Variants in TRPV1 observed in about 807,000 individuals in gnomAD.
The protein encoded by TRPV1 is OTRPC1.
In TRPV1, 82 loss-of-function variants were observed where a neutral mutation model predicts 82.3. The ratio of observed to expected loss-of-function variants is 1.00; its 90% CI spans 0.83 to 1.20. The LOEUF is 1.20. TRPV1 is among the 50% of genes most tolerant of loss of function. TRPV1 has a pLI of 0.00. For synonymous variants in TRPV1, 515 were observed against 467.7 expected (o/e 1.10, Z -1.30); for missense variants, 1,067 against 1,096.8 (o/e 0.97, Z 0.38).
chr17:3,590,396 C>T lies in TRPV1; in HGVS notation c.605-4G>A, dbSNP rs776877495. The T allele has an allele frequency of 1.2e-6, 2 of 1,613,300 alleles. No individual in the cohort carries two copies. The highest frequency in any genetic ancestry group is 1.7e-6 in the Non-Finnish European group (2 of 1,179,710). The stretch of plus-strand genomic sequence containing the variant: ...GCGATGTGCAGTGCTGTCTGGCCTA[C>T]AGAGGACGCGCACGGTTGGCTTCGT... On this transcript the variant is annotated splice_polypyrimidine_tract_variant and splice_region_variant and intron_variant, in intron 5 of 16. Transcript: ENST00000572705.
In TRPV1 at chr17:3,592,268, T is replaced by A; in HGVS notation, c.83A>T (p.Asp28Val). The change falls in exon 3 of 17, where the codon GAC becomes GTC. Residue 28 changes from aspartate to valine, a missense_variant. By Grantham distance (152) the Asp-to-Val change is radical. Coordinates refer to ENST00000572705, the MANE Select transcript of TRPV1 (RefSeq NM_080704.4). ...GGCTGGAGGTGGCCTGGAGTTAGGGTCTCCATCCAGGGGGTCTGGGCAGGT... is the reference window on the plus strand; with the variant it reads ...GGCTGGAGGTGGCCTGGAGTTAGGGACTCCATCCAGGGGGTCTGGGCAGGT... ...KDTCPDPLDGDPNSRPPPAKP... is the reference protein window; with the variant it reads ...KDTCPDPLDGVPNSRPPPAKP... 6.2e-7 allele frequency: 1 copy of A among 1,607,246 alleles called. No homozygotes were observed. Among genetic ancestry groups the A allele is most frequent in the Non-Finnish European group, 8.5e-7 (1 of 1,176,994 alleles).
intron 16 of TRPV1, among the ~76,000 whole-genome samples, chr17:3,571,061 C>T (rs2074845704): frequency 6.6e-6 from 1 of 152,228 alleles, no homozygotes; most frequent in Non-Finnish European, 1.5e-5. Flanking sequence ...CTTCTTCTCA[C>T]CCTCCCCTCT....
chr17:3,579,067 A>G (rs1235601673), intron 11 of TRPV1, among the ~76,000 whole-genome samples: 1 of 152,086 alleles, frequency 6.6e-6, no homozygotes, highest in Admixed American at 6.6e-5. Context: ...AAAACTACCT[A>G]TCAGGTACTA....
intron 11 of TRPV1, 47 bp downstream of exon 11, chr17:3,580,410 G>T (rs201373789): frequency 2.5e-6 from 4 of 1,602,002 alleles, no homozygotes; most frequent in Non-Finnish European, 3.4e-6. Context: ...AGAACTGATT[G>T]CGGTCACCTG....
At chr17:3,585,717 C>CT in intron 9 of TRPV1, 51 bp downstream of exon 9, 1 of 1,581,080 alleles carries the variant, frequency 6.3e-7, no homozygotes, top group Non-Finnish European at 8.6e-7. Context: ...GTCCACACCC[C>CT]TTCCCCACCA....
intron 7 of TRPV1, 93 bp downstream of exon 7, chr17:3,589,714 A>G (rs933854308): frequency 6.3e-6 from 9 of 1,428,242 alleles, no homozygotes; most frequent in Admixed American, 2.2e-5. Context: ...GCACACACAG[A>G]TAGCGACGCC....
intron 3 of TRPV1, among the ~76,000 whole-genome samples, chr17:3,591,636 G>A (rs890130721): frequency 3.3e-5 from 5 of 152,140 alleles, no homozygotes; most frequent in Non-Finnish European, 7.4e-5. Context: ...TCGGGAGCTC[G>A]GGAGGCAGGA....
At chr17:3,605,293 G>A (rs1341544756) in intron 2 of TRPV1, among the ~76,000 whole-genome samples, 1 of 152,134 alleles carries the variant, frequency 6.6e-6, no homozygotes, top group African/African-American at 2.4e-5. Flanking sequence ...TGGATCACTT[G>A]AGGCCAGAAG....
chr17:3,587,156 G>A (rs1379938135), intron 8 of TRPV1, among the ~76,000 whole-genome samples: 2 of 152,336 alleles, frequency 1.3e-5, no homozygotes, highest in African/African-American at 4.8e-5. Context: ...TGCAGTCCTT[G>A]TTGAGGCCAC....
intron 13 of TRPV1, among the ~76,000 whole-genome samples, chr17:3,576,668 A>AAAAAATATAT: frequency 7.8e-5 from 3 of 38,406 alleles, no homozygotes; most frequent in African/African-American, 2.2e-4. Flanking sequence ...AAAAAAAAAA[A>AAAAAATATAT]ATATATATAT....
At chr17:3,576,653 G>GGAAA (rs1242903015) in intron 13 of TRPV1, among the ~76,000 whole-genome samples, 3 of 41,490 alleles carry the variant, frequency 7.2e-5, no homozygotes, top group Non-Finnish European at 9.3e-5. Context: ...CTCTGTATGA[G>GGAAA]AAAAAAAAAA....
At chr17:3,572,294 G>A (rs2074865498) in intron 14 of TRPV1, 45 bp from the exon 15 acceptor site, 3 of 1,561,526 alleles carry the variant, frequency 1.9e-6, no homozygotes, top group Non-Finnish European at 2.6e-6. Context: ...GGCAGAGGGT[G>A]CATCCCGGGG....
At chr17:3,594,829 T>C (rs2075203824) in intron 2 of TRPV1, among the ~76,000 whole-genome samples, 2 of 152,014 alleles carry the variant, frequency 1.3e-5, no homozygotes, top group Non-Finnish European at 1.5e-5. Flanking sequence ...GAGGGGTCCA[T>C]GGCAGTTGGT....
At chr17:3,585,651 C>T in intron 9 of TRPV1, 117 bp downstream of exon 9, 3 of 1,286,990 alleles carry the variant, frequency 2.3e-6, no homozygotes, top group Non-Finnish European at 3.2e-6. Context: ...CTCCCGCAAG[C>T]TGGGAAGGAG....
chr17:3,586,669 G>T (rs1488725718), intron 8 of TRPV1, among the ~76,000 whole-genome samples: 3 of 152,046 alleles, frequency 2.0e-5, no homozygotes, highest in Non-Finnish European at 2.9e-5. Context: ...TACTTGGGAG[G>T]CTGAGGTGGG....
At chr17:3,582,528 T>C (rs2075034101) in intron 10 of TRPV1, among the ~76,000 whole-genome samples, 1 of 151,914 alleles carries the variant, frequency 6.6e-6, no homozygotes, top group African/African-American at 2.4e-5. Flanking sequence ...TCTTAGATTA[T>C]ATAAATATGG....
chr17:3,574,999 C>T (rs2074911008), intron 13 of TRPV1, among the ~76,000 whole-genome samples: 1 of 150,188 alleles, frequency 6.7e-6, no homozygotes. Context: ...TGACTAATCT[C>T]AGACAATTTG....
intron 3 of TRPV1, 101 bp from the exon 4 acceptor site, chr17:3,591,454 C>T (rs753326387): frequency 7.3e-7 from 1 of 1,367,378 alleles, no homozygotes; most frequent in Non-Finnish European, 9.8e-7. Context: ...CAAGGCAAAC[C>T]AAAAAGGGGA....
chr17:3,585,840 G>A lies in TRPV1; in HGVS notation c.1311C>T (p.Phe437=), dbSNP rs752936522. 1.2e-6 allele frequency: 2 copies of A among 1,613,986 alleles called. No homozygotes were observed. Among genetic ancestry groups the A allele is most frequent in the Admixed American group, 3.3e-5 (2 of 60,008 alleles). ...WDRFVKRIFY[F]NFLVYCLYMI... is the part of the protein sequence containing the mutation. ...TGTACAGGCAGTAGACCAGGAAGTTGAAGTAGAAGATGCGCTTGACGAATC... is the reference window on the plus strand; with the variant it reads ...TGTACAGGCAGTAGACCAGGAAGTTAAAGTAGAAGATGCGCTTGACGAATC... Residue 437 remains phenylalanine, a synonymous_variant, in exon 9 of 17, where the codon TTC becomes TTT. Transcript: ENST00000572705.
Sources: gnomAD v4.1 joint callset for allele counts (sites outside exome capture counted in the v4.1 genomes callset) on GRCh38, gnomAD v4.1.1 for gene constraint, MANE v1.5 for transcripts, NCBI Gene and HGNC (gene_info 2026-07-23, HGNC 2026-07-21) for gene names.